The following RPS15A variants were observed in gnomAD, a reference collection of about 807,000 sequenced individuals.
RPS15A encodes ribosomal protein S15a.
For missense variants in RPS15A, 62 were observed against 163.4 expected (o/e 0.38, Z 3.38); for synonymous variants, 55 against 58.5 (o/e 0.94, Z 0.27).
chr16:18,787,613 C>T (rs139086152), intron 3 of RPS15A, among the ~76,000 whole-genome samples: 1 of 152,244 alleles, frequency 6.6e-6, no homozygotes, highest in African/African-American at 2.4e-5. Flanking sequence ...AAGACCTATG[C>T]CAGCAAAAAC....
At position 18,788,069 on chromosome 16, in the gene RPS15A, T is replaced by C. The variant is rs767624266; in HGVS notation, c.207A>G (p.Leu69=). Residue 69 remains leucine (L), a synonymous_variant, in exon 3 of 5, where the codon CTA becomes CTG. Coordinates refer to ENST00000322989, the MANE Select transcript of RPS15A (RefSeq NM_001019.5). ...GTAGATCACTCGTTCTTACCTTGTT[T>C]AGCCTGCCTGTGAGGTTCACAACAA... ...GKIVVNLTGR[L]NKCGVISPRF... is the part of the protein sequence containing the mutation. 6.2e-7 allele frequency: 1 copy of C among 1,604,192 alleles called. No homozygotes were observed. Among genetic ancestry groups the C allele is most frequent in the Non-Finnish European group, 8.5e-7 (1 of 1,171,688 alleles).
rs759692446 is a variant in RPS15A at position 18,788,974 on chromosome 16, G to C, written c.133+7C>G. On this transcript the variant is annotated splice_region_variant and intron_variant, in intron 2 of 4. Transcript: ENST00000322989. ...GAAAACATAAAACACAGCGGCAGCA[G>C]ACTTACCATGCTTCATCATCACAGT... The C allele has an allele frequency of 9.3e-6, 15 of 1,610,416 alleles. No homozygotes were observed. In the African/African-American group the frequency reaches 1.7e-4, roughly 19 times the overall value.
At chr16:18,788,754 G>T in intron 2 of RPS15A, 1 of 483,948 alleles carries the variant, frequency 2.1e-6, no homozygotes, top group Non-Finnish European at 3.7e-6. Context: ...CAATGACTTA[G>T]ATTCATTTAG....
intron 4 of RPS15A, 77 bp from the exon 5 acceptor site, chr16:18,783,179 A>G: frequency 1.1e-6 from 1 of 936,730 alleles, no homozygotes; most frequent in East Asian, 2.4e-5. Flanking sequence ...AAACATCAAC[A>G]CTCATCAGTG....
chr16:18,783,974 G>A, intron 4 of RPS15A: 1 of 270,040 alleles, frequency 3.7e-6, no homozygotes, highest in South Asian at 3.9e-5. Flanking sequence ...GGGATCACAG[G>A]GAACTATCTG....
intron 3 of RPS15A, among the ~76,000 whole-genome samples, chr16:18,787,578 A>C (rs1431744884): frequency 1.3e-5 from 2 of 152,250 alleles, no homozygotes; most frequent in Admixed American, 6.5e-5. Flanking sequence ...TTGACAAGTC[A>C]AACTGAAAAG....
At chr16:18,789,361 T>A (rs2029973650) in intron 1 of RPS15A, among the ~76,000 whole-genome samples, 1 of 152,134 alleles carries the variant, frequency 6.6e-6, no homozygotes, top group Non-Finnish European at 1.5e-5. Context: ...CACTAACCAC[T>A]CTTCTTCGAA....
intron 1 of RPS15A, 142 bp from the exon 2 acceptor site, chr16:18,789,260 T>C (rs931411497): frequency 5.5e-6 from 4 of 731,018 alleles, no homozygotes; most frequent in Non-Finnish European, 8.8e-6. Flanking sequence ...TGCTTCTCCA[T>C]TTCCCACCAC....
intron 2 of RPS15A, 143 bp from the exon 3 acceptor site, chr16:18,788,285 T>A: frequency 1.6e-6 from 1 of 616,254 alleles, no homozygotes; most frequent in South Asian, 2.0e-5. Flanking sequence ...AGTTGCTCTG[T>A]ATCAGAACTA....
intron 4 of RPS15A, chr16:18,784,085 A>G: frequency 5.4e-6 from 1 of 185,052 alleles, no homozygotes; most frequent in Non-Finnish European, 1.1e-5. Context: ...AACACATGAA[A>G]TGTGGCAAAT....
At chr16:18,784,468 A>G (rs1379854007) in intron 4 of RPS15A, 4 of 347,978 alleles carry the variant, frequency 1.1e-5, no homozygotes, top group African/African-American at 8.7e-5. Flanking sequence ...GTGGTCTCGA[A>G]CTCCCAACCT....
At chr16:18,784,178 G>C (rs1322616893) in intron 4 of RPS15A, 1 of 161,286 alleles carries the variant, frequency 6.2e-6, no homozygotes, top group African/African-American at 2.4e-5. Context: ...AAGAAGCCAA[G>C]GCTGTAGCGT....
chr16:18,787,056 G>C (rs2029899433), intron 3 of RPS15A, among the ~76,000 whole-genome samples: 1 of 152,156 alleles, frequency 6.6e-6, no homozygotes, highest in Admixed American at 6.5e-5. Flanking sequence ...GTAGAGACAG[G>C]GTTTCACCAT....
chr16:18,784,368 C>A (rs186237081), intron 4 of RPS15A: 79 of 164,604 alleles, frequency 4.8e-4, no homozygotes, highest in African/African-American at 1.9e-3. Flanking sequence ...CTGCCTCAGC[C>A]TCTCAAGTAG....
At chr16:18,788,385 C>T (rs773690804) in intron 2 of RPS15A, among the ~76,000 whole-genome samples, 10 of 152,206 alleles carry the variant, frequency 6.6e-5, no homozygotes, top group Non-Finnish European at 1.5e-4. Flanking sequence ...CCCCTTGACC[C>T]TTCCTTCACT....
chr16:18,786,265 TG>T, intron 3 of RPS15A: 1 of 221,072 alleles, frequency 4.5e-6, no homozygotes. Flanking sequence ...CTAGGGAGGC[TG>T]AGGCAGGAGA....
intron 1 of RPS15A, 84 bp from the exon 2 acceptor site, chr16:18,789,202 T>A (rs1311277547): frequency 7.3e-7 from 1 of 1,374,146 alleles, no homozygotes; most frequent in Non-Finnish European, 9.9e-7. Flanking sequence ...GAAGTATCCT[T>A]TCCTTTCTGG....
intron 4 of RPS15A, chr16:18,784,035 C>A (rs1316516019): frequency 1.5e-5 from 3 of 206,102 alleles, no homozygotes; most frequent in Non-Finnish European, 3.0e-5. Context: ...CCCTTTTCTG[C>A]CAGTCTAAGC....
intron 2 of RPS15A, chr16:18,788,758 C>A (rs1335088670): frequency 4.1e-6 from 2 of 491,808 alleles, no homozygotes; most frequent in East Asian, 6.7e-5. Flanking sequence ...GACTTAGATT[C>A]ATTTAGCTCC....
Sources: gnomAD v4.1 joint callset for allele counts (sites outside exome capture counted in the v4.1 genomes callset) on GRCh38, gnomAD v4.1.1 for gene constraint, MANE v1.5 for transcripts, NCBI Gene and HGNC (gene_info 2026-07-23, HGNC 2026-07-21) for gene names.